The following VPS54 variants were observed in gnomAD, a reference collection of about 807,000 sequenced individuals.
VPS54 encodes the protein vacuolar protein sorting-associated protein 54.
A neutral mutation model predicts 121.5 loss-of-function variants in VPS54; 45 were observed. That is an observed-to-expected ratio of 0.37 (90% CI 0.29 to 0.47). The LOEUF is 0.47. VPS54 is among the 20% of genes least tolerant of loss of function. The pLI, the probability that VPS54 is intolerant of heterozygous loss-of-function variation, is 0.99. For synonymous variants in VPS54, 371 were observed against 385.8 expected, an observed-to-expected ratio of 0.96 and a Z score of 0.45; for missense variants, 1,090 against 1,131.4, an observed-to-expected ratio of 0.96 and a Z score of 0.52.
At chr2:63,908,568 T>C (rs1401742111) in intron 20 of VPS54, among the ~76,000 whole-genome samples, 3 of 152,218 alleles carry the variant, frequency 2.0e-5, no homozygotes, top group Non-Finnish European at 4.4e-5. Flanking sequence ...AAACCTGATA[T>C]GAATTGCTTA....
chr2:63,943,727 C>CTTTCTTTCTTTTT (rs34858643), intron 10 of VPS54, among the ~76,000 whole-genome samples: 2 of 129,606 alleles, frequency 1.5e-5, no homozygotes, highest in African/African-American at 6.0e-5. Context: ...TTCTTTCTTT[C>CTTTCTTTCTTTTT]TTTTTTTTTT....
intron 1 of VPS54, among the ~76,000 whole-genome samples, chr2:63,999,654 T>C (rs921732960): frequency 6.6e-6 from 1 of 152,210 alleles, no homozygotes; most frequent in African/African-American, 2.4e-5. Context: ...AAGTTCTCTG[T>C]TATTATTCCT....
At chr2:63,946,495 T>C (rs116590923) in intron 9 of VPS54, among the ~76,000 whole-genome samples, 18 of 152,278 alleles carry the variant, frequency 1.2e-4, no homozygotes, top group Admixed American at 9.8e-4. Context: ...TTAAAAATAG[T>C]GTTTTAATCA....
intron 21 of VPS54, 86 bp downstream of exon 21, chr2:63,899,388 C>T (rs1672579894): frequency 1.8e-6 from 2 of 1,118,014 alleles, no homozygotes; most frequent in African/African-American, 1.6e-5. Context: ...AACAGCTTAA[C>T]TGCCAAAAGC....
At chr2:63,945,630 G>C (rs1235864135) in intron 9 of VPS54, among the ~76,000 whole-genome samples, 1 of 152,082 alleles carries the variant, frequency 6.6e-6, no homozygotes, top group African/African-American at 2.4e-5. Flanking sequence ...TGTTTGAAAA[G>C]CTGATTACAA....
chr2:63,974,998 C>G, intron 3 of VPS54: 1 of 1,549,862 alleles, frequency 6.5e-7, no homozygotes, highest in Non-Finnish European at 8.7e-7. Flanking sequence ...TGATCCTGTT[C>G]TTAGTGGGAA....
chr2:63,949,032 C>G lies in VPS54; in HGVS notation c.1137+5G>C. ...TCAACTTCATTCCACAGTTAAAACA[C>G]ATACCTCTTCTAAAACTTGACAGTC... On this transcript the variant is annotated splice_donor_5th_base_variant and intron_variant, in intron 8 of 22. Coordinates refer to ENST00000272322, the MANE Select transcript of VPS54 (RefSeq NM_016516.3). The G allele has an allele frequency of 1.2e-6, 2 of 1,610,030 alleles. No homozygotes were observed. Among genetic ancestry groups the G allele is most frequent in the Non-Finnish European group, 1.7e-6 (2 of 1,178,734 alleles).
rs553891154 is a variant in VPS54 at position 63,942,202 on chromosome 2, G to A, written c.1398+263C>T. Among the ~76,000 whole-genome samples the A allele has an allele frequency of 2.0e-5, 3 of 151,942 alleles. No individual in the cohort carries two copies. In the South Asian group the frequency reaches 6.2e-4, roughly 32 times the overall value. On this transcript the variant is annotated intron_variant, in intron 11 of 22. Transcript: ENST00000272322. ...ATAACCTAGGAGAACAAAAAATCAC[G>A]AGAGGAAATATTACTGTATAATATT... is the stretch of plus-strand genomic sequence containing the variant.
chr2:63,993,310 C>T (rs898675310), intron 1 of VPS54, among the ~76,000 whole-genome samples: 4 of 152,168 alleles, frequency 2.6e-5, no homozygotes, highest in East Asian at 1.9e-4. Flanking sequence ...TTCTATGCTG[C>T]GGGGAGATTC....
chr2:63,919,133 CATT>C (rs1484500470), intron 15 of VPS54, among the ~76,000 whole-genome samples: 3 of 151,998 alleles, frequency 2.0e-5, no homozygotes, highest in Non-Finnish European at 4.4e-5. Context: ...AATAAATTTA[CATT>C]ATTATCACAT....
intron 9 of VPS54, among the ~76,000 whole-genome samples, chr2:63,945,902 G>A (rs1209857725): frequency 1.3e-5 from 2 of 152,074 alleles, no homozygotes; most frequent in African/African-American, 2.4e-5. Context: ...TTTAGAAATT[G>A]CTTAAAATAT....
intron 1 of VPS54, among the ~76,000 whole-genome samples, chr2:64,010,869 G>A (rs1430829560): frequency 6.6e-6 from 1 of 152,136 alleles, no homozygotes; most frequent in African/African-American, 2.4e-5. Flanking sequence ...AAAGAAGTAT[G>A]GAAGAGGCTT....
At chr2:63,965,603 AG>A (rs1675957236) in intron 6 of VPS54, among the ~76,000 whole-genome samples, 1 of 152,258 alleles carries the variant, frequency 6.6e-6, no homozygotes, top group African/African-American at 2.4e-5. Flanking sequence ...CTGCTCTTTC[AG>A]GTAAGAAGCA....
intron 6 of VPS54, among the ~76,000 whole-genome samples, chr2:63,963,410 C>G (rs1347106554): frequency 6.6e-6 from 1 of 151,970 alleles, no homozygotes; most frequent in Admixed American, 6.6e-5. Flanking sequence ...TATTATCTTT[C>G]CATTATTCAC....
chr2:63,996,983 C>CG (rs1157922124), intron 1 of VPS54, among the ~76,000 whole-genome samples: 1 of 152,076 alleles, frequency 6.6e-6, no homozygotes, highest in African/African-American at 2.4e-5. Flanking sequence ...TTTTATGGCT[C>CG]GGGGGCATCA....
intron 1 of VPS54, among the ~76,000 whole-genome samples, chr2:64,009,679 C>T (rs1164875305): frequency 2.6e-5 from 4 of 151,990 alleles, no homozygotes; most frequent in African/African-American, 4.8e-5. Context: ...GCACCTGTAA[C>T]GTGGGATAAA....
intron 20 of VPS54, among the ~76,000 whole-genome samples, chr2:63,900,123 G>C (rs189072668): frequency 6.7e-6 from 1 of 148,592 alleles, no homozygotes; most frequent in East Asian, 2.0e-4. Context: ...AGGAGGCTGA[G>C]ACAGGAGAAT....
chr2:63,934,424 C>T (rs749995970), intron 11 of VPS54, among the ~76,000 whole-genome samples: 1 of 152,100 alleles, frequency 6.6e-6, no homozygotes, highest in Admixed American at 6.6e-5. Flanking sequence ...CTCCTTTTCT[C>T]GTATCTTCTC....
intron 12 of VPS54, among the ~76,000 whole-genome samples, chr2:63,922,404 T>C (rs942961969): frequency 6.6e-6 from 1 of 152,230 alleles, no homozygotes; most frequent in Non-Finnish European, 1.5e-5. Flanking sequence ...CAAACTACCA[T>C]TCTAATTGGT....
Sources: gnomAD v4.1 joint callset for allele counts (sites outside exome capture counted in the v4.1 genomes callset) on GRCh38, gnomAD v4.1.1 for gene constraint, MANE v1.5 for transcripts, NCBI Gene and HGNC (gene_info 2026-07-23, HGNC 2026-07-21) for gene names.